RASGEF1A: variants seen among roughly 807,000 people sequenced by gnomAD.
RASGEF1A encodes the protein RasGEF domain family member 1A.
Under a neutral mutation model 56.4 loss-of-function variants are expected in RASGEF1A, and 18 were observed. That is an observed-to-expected ratio of 0.32 (90% CI 0.22 to 0.47). The LOEUF is 0.47. Among genes scored for constraint, RASGEF1A ranks in the 20% least tolerant of loss-of-function variants. The probability of loss-of-function intolerance (pLI) is 1.00; values close to 1 mark genes in which losing one functional copy is unlikely to be tolerated. For synonymous variants in RASGEF1A, 245 were observed against 242.6 expected (o/e 1.01, Z -0.09); for missense variants, 422 against 627.1 (o/e 0.67, Z 3.49).
In RASGEF1A at chr10:43,206,081, A is replaced by G. The variant is rs1564530799; in HGVS notation, c.36T>C (p.Leu12=). ...PQTSVVFSSI[L]GPSCSGQVQP... ...GCACCTGTCCGCTACAGCTGGGCCC[A>G]AGGATGCTGGAGAAGACAACGGACG... Residue 12 remains leucine, a synonymous_variant, in exon 2 of 13, where the codon CTT becomes CTC. Transcript: ENST00000395810. The G allele has an allele frequency of 6.2e-7, 1 of 1,602,342 alleles. No individual in the cohort carries two copies.
At chr10:43,252,174 C>G (rs946998380) in intron 1 of RASGEF1A, among the ~76,000 whole-genome samples, 1 of 152,196 alleles carries the variant, frequency 6.6e-6, no homozygotes, top group Admixed American at 6.5e-5. Flanking sequence ...AGGGCTGACC[C>G]AGGCACTCCT....
intron 1 of RASGEF1A, among the ~76,000 whole-genome samples, chr10:43,230,537 A>G (rs1425499881): frequency 6.6e-6 from 1 of 152,112 alleles, no homozygotes; most frequent in Non-Finnish European, 1.5e-5. Context: ...TGGAGCACCC[A>G]GCACCTGAGC....
chr10:43,249,567 C>T (rs569777167), intron 1 of RASGEF1A, among the ~76,000 whole-genome samples: 19 of 152,202 alleles, frequency 1.2e-4, no homozygotes, highest in Non-Finnish European at 2.5e-4. Context: ...AGGCACACAG[C>T]GGTGCAGGGT....
chr10:43,207,583 C>A, intron 1 of RASGEF1A: 1 of 985,590 alleles, frequency 1.0e-6, no homozygotes, highest in Non-Finnish European at 1.2e-6. Flanking sequence ...ACCAAAGGCC[C>A]CACGATGACG....
chr10:43,238,190 G>T (rs948326371), intron 1 of RASGEF1A, among the ~76,000 whole-genome samples: 9 of 152,002 alleles, frequency 5.9e-5, no homozygotes, highest in African/African-American at 1.5e-4. Context: ...TAGCCATGTC[G>T]ACTTAAAGGG....
rs77780072 is a variant in RASGEF1A at position 43,211,139 on chromosome 10, T to G, written c.-6-5017A>C. On this transcript the variant is annotated intron_variant, in intron 1 of 12. Transcript: ENST00000395810. ...AGCAAAGCAGAGAAGAGTGACTCAC[T>G]GTCTCCTGGAGGACGCGCCTCACTC... is the stretch of plus-strand genomic sequence containing the variant. Among the ~76,000 whole-genome samples, 1,280 of 152,322 alleles carry G rather than the reference T, an allele frequency of 8.4e-3. 53 individuals are homozygous for G. In the East Asian group the frequency reaches 0.095, roughly 11 times the overall value.
At chr10:43,254,773 G>A (rs1219168798) in intron 1 of RASGEF1A, among the ~76,000 whole-genome samples, 1 of 152,172 alleles carries the variant, frequency 6.6e-6, no homozygotes, top group Non-Finnish European at 1.5e-5. Context: ...CCAAGCAGGG[G>A]TCCAAGCAGG....
chr10:43,229,575 C>G, intron 1 of RASGEF1A: 1 of 1,394,726 alleles, frequency 7.2e-7, no homozygotes, highest in Non-Finnish European at 9.6e-7. Flanking sequence ...GCACCCCTCC[C>G]GAGCCCGACA....
chr10:43,256,362 C>G lies in RASGEF1A; in HGVS notation c.-7+10483G>C, dbSNP rs147692748. On this transcript the variant is annotated intron_variant, in intron 1 of 12. Coordinates refer to ENST00000395810, the MANE Select transcript of RASGEF1A (RefSeq NM_145313.4). ...TGTGACTGGCTGTGTCCTCCCTGGA[C>G]CATGTGCTCAGAGATGGGACAAGGG... 2.0e-3 allele frequency among the ~76,000 whole-genome samples: 303 copies of G among 152,254 alleles called. 2 individuals are homozygous for G. The highest frequency in any genetic ancestry group is 6.6e-3 in the African/African-American group (276 of 41,538).
intron 1 of RASGEF1A, among the ~76,000 whole-genome samples, chr10:43,256,718 G>A (rs988023752): frequency 6.6e-6 from 1 of 152,168 alleles, no homozygotes; most frequent in Non-Finnish European, 1.5e-5. Flanking sequence ...GCACACCACA[G>A]CCACAGAGCA....
intron 1 of RASGEF1A, among the ~76,000 whole-genome samples, chr10:43,240,665 T>G (rs1161028779): frequency 6.6e-6 from 1 of 151,678 alleles, no homozygotes; most frequent in Non-Finnish European, 1.5e-5. Flanking sequence ...ATTGAGATTA[T>G]CCAGTCTGAG....
chr10:43,253,797 G>C (rs565640065), intron 1 of RASGEF1A, among the ~76,000 whole-genome samples: 1 of 152,210 alleles, frequency 6.6e-6, no homozygotes, highest in African/African-American at 2.4e-5. Context: ...CCTAAGACCC[G>C]ACCCAGCCTC....
In RASGEF1A at chr10:43,198,019, C is replaced by A; in HGVS notation, c.1209G>T (p.Gly403=). The change falls in exon 10 of 13, where the codon GGG becomes GGT. Residue 403 remains glycine, a synonymous_variant. Transcript: ENST00000395810. ...ATGAGCTCACCTTAAAGTTAATGTG[C>A]CCGTTGGGCAGGTGGTTGGTATGGA... The part of the protein sequence containing the change: ...HKIHTNHLPN[G]HINFKKFWEI... 1 of 1,612,032 alleles carries A rather than the reference C, an allele frequency of 6.2e-7. No individual in the cohort carries two copies. Among genetic ancestry groups the A allele is most frequent in the Non-Finnish European group, 8.5e-7 (1 of 1,178,414 alleles).
At chr10:43,207,892 C>A (rs926668386) in intron 1 of RASGEF1A, 1 of 492,078 alleles carries the variant, frequency 2.0e-6, no homozygotes, top group African/African-American at 2.1e-5. Context: ...ACTAAGGAAA[C>A]CCCAGGAGTT....
At chr10:43,266,203 G>T (rs907536750) in intron 1 of RASGEF1A, among the ~76,000 whole-genome samples, 1 of 152,096 alleles carries the variant, frequency 6.6e-6, no homozygotes, top group African/African-American at 2.4e-5. Flanking sequence ...ACCGACCCTC[G>T]GACCAGAACC....
At chr10:43,231,918 C>T (rs980617761) in intron 1 of RASGEF1A, among the ~76,000 whole-genome samples, 7 of 152,234 alleles carry the variant, frequency 4.6e-5, no homozygotes, top group Admixed American at 3.9e-4. Context: ...GGCCATCTGC[C>T]GGGACTTCAG....
rs555450097 is a variant in RASGEF1A at position 43,244,668 on chromosome 10, G to T, written c.-7+22177C>A. ...CAATCTGGGAAATTTACAAATATGTGGAAATTACACAACATATTCTTAAAT... is the reference window on the plus strand; with the variant it reads ...CAATCTGGGAAATTTACAAATATGTTGAAATTACACAACATATTCTTAAAT... On this transcript the variant is annotated intron_variant, in intron 1 of 12. Coordinates refer to ENST00000395810, the MANE Select transcript of RASGEF1A (RefSeq NM_145313.4). 1.0e-3 allele frequency among the ~76,000 whole-genome samples: 145 copies of T among 138,476 alleles called. 8 individuals carry two copies. The highest frequency in any genetic ancestry group is 1.7e-3 in the Non-Finnish European group (105 of 60,652). The allele number at this position is 138,476 out of a possible 152,430, so 90.8% of individuals were successfully genotyped here. A position where few individuals can be genotyped will look rare whatever the true frequency, so the allele number is the denominator to read the frequency against.
rs1029201172 is a variant in RASGEF1A at position 43,229,662 on chromosome 10, G to A, written c.-6-23540C>T. ...CTGGGGCTCCAGGAACATTCTGGCC[G>A]CCGGCTCCCCGCGCCGTCCTGCCCG... On this transcript the variant is annotated intron_variant, in intron 1 of 12. Coordinates refer to ENST00000395810, the MANE Select transcript of RASGEF1A (RefSeq NM_145313.4). 1.1e-5 allele frequency: 16 copies of A among 1,490,628 alleles called. 1 individual carries two copies. The highest frequency in any genetic ancestry group is 8.7e-5 in the African/African-American group (6 of 68,598). The allele number at this position is 1,490,628 out of a possible 1,614,324, so 92.3% of individuals were successfully genotyped here.
intron 1 of RASGEF1A, chr10:43,207,674 G>A: frequency 1.0e-6 from 1 of 985,482 alleles, no homozygotes; most frequent in Non-Finnish European, 1.2e-6. Flanking sequence ...CTCATACAAT[G>A]CTCCCTTCAA....
Sources: gnomAD v4.1 joint callset for allele counts (sites outside exome capture counted in the v4.1 genomes callset) on GRCh38, gnomAD v4.1.1 for gene constraint, MANE v1.5 for transcripts, NCBI Gene and HGNC (gene_info 2026-07-23, HGNC 2026-07-21) for gene names.